MYBL1: variants seen among roughly 807,000 people sequenced by gnomAD.
The protein encoded by MYBL1 is MYB proto-oncogene like 1, also known as myb-related protein A.
Under a neutral mutation model 96.3 loss-of-function variants are expected in MYBL1, and 17 were observed. The observed-to-expected ratio is 0.18, with a 90% CI of 0.12 to 0.26. The LOEUF (loss-of-function observed/expected upper bound fraction) is 0.26. MYBL1 is among the 10% of genes least tolerant of loss of function. The probability of loss-of-function intolerance (pLI) is 1.00; values close to 1 mark genes in which losing one functional copy is unlikely to be tolerated. For synonymous variants in MYBL1, 282 were observed against 292.7 expected (o/e 0.96, Z 0.37); for missense variants, 701 against 882.9 (o/e 0.79, Z 2.61).
At chr8:66,596,013 T>C (rs1449465632) in intron 5 of MYBL1, among the ~76,000 whole-genome samples, 1 of 152,138 alleles carries the variant, frequency 6.6e-6, no homozygotes, top group African/African-American at 2.4e-5. Context: ...AGTAGGTCAC[T>C]GCTCTCGTGG....
intron 10 of MYBL1, among the ~76,000 whole-genome samples, chr8:66,575,551 G>A (rs1808902633): frequency 6.6e-6 from 1 of 152,206 alleles, no homozygotes; most frequent in South Asian, 2.1e-4. Flanking sequence ...AACACTTTGG[G>A]AGCCAAGGCA....
intron 8 of MYBL1, among the ~76,000 whole-genome samples, chr8:66,589,914 A>T (rs1563541634): frequency 1.3e-5 from 2 of 151,456 alleles, no homozygotes; most frequent in Non-Finnish European, 2.9e-5. Flanking sequence ...TACAAAAAGT[A>T]TTTTTTTTTA....
intron 15 of MYBL1, chr8:66,565,105 C>A: frequency 5.6e-6 from 1 of 178,746 alleles, no homozygotes; most frequent in Non-Finnish European, 1.2e-5. Flanking sequence ...ATAATTCCCC[C>A]CAAATCAAAT....
intron 2 of MYBL1, among the ~76,000 whole-genome samples, chr8:66,602,003 T>C (rs947799684): frequency 2.0e-5 from 3 of 152,164 alleles, no homozygotes; most frequent in African/African-American, 4.8e-5. Flanking sequence ...TTGATGCATA[T>C]CTTTTCTCAT....
In MYBL1 at chr8:66,566,708, C is replaced by A; in HGVS notation, c.1926G>T (p.Leu642Phe). 6.2e-7 allele frequency: 1 copy of A among 1,605,178 alleles called. No individual in the cohort carries two copies. Among genetic ancestry groups the A allele is most frequent in the South Asian group, 1.1e-5 (1 of 90,342 alleles). ...WEKEESGTQL[L>F]TEDISDMQSE... ...CCTGCATGTCTGAAATGTCTTCAGTCAACAGTTGAGTGCCTGATTCTTCTT... is the reference window on the plus strand; with the variant it reads ...CCTGCATGTCTGAAATGTCTTCAGTAAACAGTTGAGTGCCTGATTCTTCTT... Residue 642 changes from leucine to phenylalanine, a missense_variant, in exon 14 of 16, where the codon TTG (leucine) becomes TTT (phenylalanine). Transcript: ENST00000522677.
chr8:66,577,699 G>T (rs967637867), intron 9 of MYBL1, among the ~76,000 whole-genome samples: 1 of 152,000 alleles, frequency 6.6e-6, no homozygotes, highest in Admixed American at 6.6e-5. Flanking sequence ...AGCTACCAAT[G>T]ACTTTCTTCA....
rs1420248646 is a variant in MYBL1 at position 66,563,618 on chromosome 8, A to G, written c.*1079T>C. ...CTGTTTTTAGGGACCAAGGTACCAT[A>G]TTATTTTTTAAACAAAATGCAAAAA... On this transcript the variant is annotated 3_prime_UTR_variant, in exon 16 of 16. Transcript: ENST00000522677. 6.6e-6 allele frequency: 1 copy of G among 152,504 alleles called. No individual in the cohort carries two copies. Among genetic ancestry groups the G allele is most frequent in the African/African-American group, 2.4e-5 (1 of 41,468 alleles). The allele number at this position is 152,504 out of a possible 1,614,324, so 9.4% of individuals were successfully genotyped here. A position where few individuals can be genotyped will look rare whatever the true frequency, so the allele number is the denominator to read the frequency against.
chr8:66,583,847 G>A (rs182637504), intron 8 of MYBL1, among the ~76,000 whole-genome samples: 212 of 152,196 alleles, frequency 1.4e-3, no homozygotes, highest in African/African-American at 4.7e-3. Flanking sequence ...TTAAAGCCCA[G>A]GACCCAATGG....
At position 66,613,048 on chromosome 8, in the gene MYBL1, G is replaced by A. The variant is rs1810598911; in HGVS notation, c.-210C>T. The A allele has an allele frequency of 2.1e-6, 1 of 465,254 alleles. No homozygotes were observed. The highest frequency in any genetic ancestry group is 3.5e-6 in the Non-Finnish European group (1 of 283,602). 28.8% of individuals were successfully genotyped at this position (465,254 alleles called of 1,614,324 possible). On this transcript the variant is annotated 5_prime_UTR_variant, in exon 1 of 16. Transcript: ENST00000522677. ...GACCCCGACCCCGGCCCGCAGCGCC[G>A]CTCTTAGCCCCGGCCCGGCCCGGCC... is the stretch of plus-strand genomic sequence containing the variant.
chr8:66,592,657 G>T, intron 7 of MYBL1, 113 bp from the exon 8 acceptor site: 1 of 633,882 alleles, frequency 1.6e-6, no homozygotes, highest in Non-Finnish European at 2.6e-6. Flanking sequence ...TTCTAATAAA[G>T]CTTAATGCTA....
rs367894352 is a variant in MYBL1 at position 66,580,208 on chromosome 8, G to A, written c.1026C>T (p.Ala342=). The A allele has an allele frequency of 1.7e-5, 27 of 1,613,770 alleles. No individual in the cohort carries two copies. Among genetic ancestry groups the A allele is most frequent in the East Asian group, 4.5e-5 (2 of 44,888 alleles). The change falls in exon 9 of 16, where the codon GCC becomes GCT. Residue 342 remains alanine, a synonymous_variant. Transcript: ENST00000522677. The part of the protein sequence containing the change: ...AQQNSPTKFL[A]VEANAVLSSL... ...AGGATAACACAGCGTTTGCCTCCACGGCCAGGAACTTTGTGGGTGAATTCT... is the reference window on the plus strand; with the variant it reads ...AGGATAACACAGCGTTTGCCTCCACAGCCAGGAACTTTGTGGGTGAATTCT...
At chr8:66,600,334 C>T (rs1810019400) in intron 3 of MYBL1, among the ~76,000 whole-genome samples, 1 of 152,150 alleles carries the variant, frequency 6.6e-6, no homozygotes, top group African/African-American at 2.4e-5. Flanking sequence ...GGCTCTTTTG[C>T]CCAATGTACT....
chr8:66,612,479 C>G (rs1810569520), intron 1 of MYBL1: 1 of 325,532 alleles, frequency 3.1e-6, no homozygotes, highest in Non-Finnish European at 5.6e-6. Context: ...TCAGTTTTCT[C>G]TGCGTAGCGG....
chr8:66,602,493 G>C lies in MYBL1; in HGVS notation c.51C>G (p.Ala17=). The C allele has an allele frequency of 6.2e-7, 1 of 1,606,846 alleles. No individual in the cohort carries two copies. Among genetic ancestry groups the C allele is most frequent in the South Asian group, 1.1e-5 (1 of 90,680 alleles). ...GTTGTGGTACTTCATAATCATGATCGGCATACTGAAGGTCATCATCCTCAT... is the reference window on the plus strand; with the variant it reads ...GTTGTGGTACTTCATAATCATGATCCGCATACTGAAGGTCATCATCCTCAT... The part of the protein sequence containing the change: ...SEDEDDDLQY[A]DHDYEVPQQK... The change falls in exon 2 of 16, where the codon GCC becomes GCG. Residue 17 remains alanine, a synonymous_variant. Transcript: ENST00000522677.
At chr8:66,577,372 C>G (rs1364322964) in intron 9 of MYBL1, among the ~76,000 whole-genome samples, 1 of 148,284 alleles carries the variant, frequency 6.7e-6, no homozygotes, top group Non-Finnish European at 1.5e-5. Context: ...TAAGCAACTT[C>G]AGCAAAGTCT....
In MYBL1 at chr8:66,594,816, C is replaced by G. The variant is rs76467128; in HGVS notation, c.687+767G>C. ...GTCCACAAAATGTCAAAAATCAAAT[C>G]TGAGGCATAGTAAGCACAGATTTTT... is the stretch of plus-strand genomic sequence containing the variant. On this transcript the variant is annotated intron_variant, in intron 6 of 15. Coordinates refer to ENST00000522677, the MANE Select transcript of MYBL1 (RefSeq NM_001080416.4). Among the ~76,000 whole-genome samples the G allele has an allele frequency of 5.3e-3, 804 of 152,262 alleles. 5 individuals carry two copies. Among genetic ancestry groups the G allele is most frequent in the Non-Finnish European group, 9.0e-3 (612 of 67,998 alleles).
At chr8:66,570,163 G>C (rs899299547) in intron 12 of MYBL1, among the ~76,000 whole-genome samples, 1 of 152,174 alleles carries the variant, frequency 6.6e-6, no homozygotes, top group African/African-American at 2.4e-5. Context: ...AATTGCTGAT[G>C]CAAATAATCT....
intron 12 of MYBL1, among the ~76,000 whole-genome samples, chr8:66,570,163 G>A (rs899299547): frequency 9.2e-5 from 14 of 152,174 alleles, no homozygotes; most frequent in Non-Finnish European, 1.6e-4. Context: ...AATTGCTGAT[G>A]CAAATAATCT....
chr8:66,562,426 A>G lies in MYBL1; in HGVS notation c.*2271T>C, dbSNP rs1203130951. 1 of 152,640 alleles carries G rather than the reference A, an allele frequency of 6.6e-6. No homozygotes were observed. Among genetic ancestry groups the G allele is most frequent in the Non-Finnish European group, 1.5e-5 (1 of 68,042 alleles). 9.5% of individuals were successfully genotyped at this position (152,640 alleles called of 1,614,324 possible). A position where few individuals can be genotyped will look rare whatever the true frequency, so the allele number is the denominator to read the frequency against. ...AAGAAACTCAGAGGAACAAAACAGTATAAAGGTGACTTAAGATGCCTGACA... is the reference window on the plus strand; with the variant it reads ...AAGAAACTCAGAGGAACAAAACAGTGTAAAGGTGACTTAAGATGCCTGACA... On this transcript the variant is annotated 3_prime_UTR_variant, in exon 16 of 16. Transcript: ENST00000522677.
Sources: allele counts gnomAD v4.1 joint callset (sites outside exome capture counted in the v4.1 genomes callset), GRCh38; gene constraint gnomAD v4.1.1; transcripts MANE v1.5; gene names NCBI Gene and HGNC (gene_info 2026-07-23, HGNC 2026-07-21).